The following CSMD1 variants were observed in gnomAD, a reference collection of about 807,000 sequenced individuals.
The protein encoded by CSMD1 is CUB and Sushi multiple domains 1, also known as CUB and sushi domain-containing protein 1.
CSMD1 carries 213 observed loss-of-function variants against 417.5 expected under a neutral mutation model. That is an observed-to-expected ratio of 0.51 (90% CI 0.46 to 0.57). The LOEUF (loss-of-function observed/expected upper bound fraction) is 0.57. Among genes scored for constraint, CSMD1 ranks in the 20% least tolerant of loss-of-function variants. The pLI is 0.00. For missense variants in CSMD1, 6,923 were observed against 4,529.7 expected, an observed-to-expected ratio of 1.53 and a Z score of -15.17; for synonymous variants, 2,862 against 1,736.8, an observed-to-expected ratio of 1.65 and a Z score of -16.11.
chr8:4,124,661 G>C (rs191801500), intron 3 of CSMD1, among the ~76,000 whole-genome samples: 230 of 152,324 alleles, frequency 1.5e-3, no homozygotes, highest in Non-Finnish European at 2.4e-3. Flanking sequence ...GAGGGACTAA[G>C]TGGCTAATCT....
intron 2 of CSMD1, among the ~76,000 whole-genome samples, chr8:4,434,280 T>C (rs1271186745): frequency 4.6e-5 from 7 of 152,132 alleles, no homozygotes. Flanking sequence ...GCAAGAGAAT[T>C]GCTTGAACCT....
At chr8:4,069,279 T>G (rs986737449) in intron 3 of CSMD1, among the ~76,000 whole-genome samples, 3 of 152,318 alleles carry the variant, frequency 2.0e-5, no homozygotes, top group African/African-American at 2.4e-5. Flanking sequence ...CTTTGTCTAG[T>G]AGGAGGTCAT....
intron 2 of CSMD1, among the ~76,000 whole-genome samples, chr8:4,424,959 TATTAAG>T (rs1158749495): frequency 2.6e-5 from 4 of 152,168 alleles, no homozygotes; most frequent in African/African-American, 9.6e-5. Flanking sequence ...CTCAAGAACA[TATTAAG>T]ATTAAAATAA....
At chr8:3,443,789 G>T (rs936004774) in intron 12 of CSMD1, among the ~76,000 whole-genome samples, 32 of 152,214 alleles carry the variant, frequency 2.1e-4, no homozygotes, top group Non-Finnish European at 3.5e-4. Flanking sequence ...TGGGAGACAT[G>T]AAGTGTAAAC....
chr8:3,730,893 CG>C (rs1019115348), intron 6 of CSMD1, among the ~76,000 whole-genome samples: 9 of 152,174 alleles, frequency 5.9e-5, no homozygotes, highest in African/African-American at 2.2e-4. Flanking sequence ...CACTATAATA[CG>C]TAGACCAATT....
intron 3 of CSMD1, among the ~76,000 whole-genome samples, chr8:4,054,607 G>C (rs976522541): frequency 6.6e-6 from 1 of 152,032 alleles, no homozygotes; most frequent in South Asian, 2.1e-4. Flanking sequence ...GGTGTATTTA[G>C]CTTATTTCCC....
At chr8:2,989,999 C>G (rs1806237381) in intron 54 of CSMD1, among the ~76,000 whole-genome samples, 1 of 152,146 alleles carries the variant, frequency 6.6e-6, no homozygotes, top group Non-Finnish European at 1.5e-5. Context: ...GCCTAGAAGG[C>G]TCTAGGGGGA....
Position 4,126,505 on chromosome 8 carries a change from C to T in CSMD1, c.416-94406G>A, listed in dbSNP as rs1000285494. 5.9e-5 allele frequency among the ~76,000 whole-genome samples: 9 copies of T among 152,314 alleles called. No homozygotes were observed. The South Asian group carries it at 1.9e-3, about 32-fold the overall frequency. On this transcript the variant is annotated intron_variant, in intron 3 of 69. Coordinates refer to ENST00000635120, the MANE Select transcript of CSMD1 (RefSeq NM_033225.6). ...CCCACCTCCATGGGCACACTGGAAGCAGGAGGTCTCCCACTGATGGTCAGT... is the reference window on the plus strand; with the variant it reads ...CCCACCTCCATGGGCACACTGGAAGTAGGAGGTCTCCCACTGATGGTCAGT...
intron 3 of CSMD1, among the ~76,000 whole-genome samples, chr8:4,066,947 T>C (rs1301433589): frequency 6.6e-6 from 1 of 152,222 alleles, no homozygotes; most frequent in African/African-American, 2.4e-5. Context: ...ATTGTGTAAA[T>C]ACCCTCAGGG....
In CSMD1 at chr8:4,358,260, T is replaced by C. The variant is rs560961391; in HGVS notation, c.415+61693A>G. Among the ~76,000 whole-genome samples, 3 of 152,360 alleles carry C rather than the reference T, an allele frequency of 2.0e-5. No homozygotes were observed. The East Asian group carries it at 5.8e-4, about 29-fold the overall frequency. Reference sequence around the variant, plus strand: ...ACTGTGGGGCTTGTTGAACTTTTGCTTTACCAGTGGGTGTGGAGCGCGGCC... The same window carrying C: ...ACTGTGGGGCTTGTTGAACTTTTGCCTTACCAGTGGGTGTGGAGCGCGGCC... On this transcript the variant is annotated intron_variant, in intron 3 of 69. Transcript: ENST00000635120.
chr8:3,973,199 G>A (rs1295840391), intron 5 of CSMD1, among the ~76,000 whole-genome samples: 1 of 152,208 alleles, frequency 6.6e-6, no homozygotes. Flanking sequence ...AAATGGTGGT[G>A]CTGCATGCAG....
intron 3 of CSMD1, among the ~76,000 whole-genome samples, chr8:4,057,754 C>T (rs1798771264): frequency 6.6e-6 from 1 of 152,046 alleles, no homozygotes; most frequent in Non-Finnish European, 1.5e-5. Flanking sequence ...CTACATATGG[C>T]TAGCCAGTTT....
At chr8:4,963,062 G>A (rs964683615) in intron 1 of CSMD1, among the ~76,000 whole-genome samples, 3 of 152,124 alleles carry the variant, frequency 2.0e-5, no homozygotes, top group African/African-American at 7.2e-5. Flanking sequence ...ACTGCACCCA[G>A]GAGCTCAGGT....
At chr8:3,981,243 G>A (rs528613020) in intron 5 of CSMD1, among the ~76,000 whole-genome samples, 31 of 152,210 alleles carry the variant, frequency 2.0e-4, no homozygotes, top group African/African-American at 7.0e-4. Flanking sequence ...TAACTCAGGC[G>A]TTGAAAACCA....
intron 3 of CSMD1, among the ~76,000 whole-genome samples, chr8:4,295,165 C>T (rs117449645): frequency 0.072 from 10,236 of 141,406 alleles, 521 homozygotes; most frequent in Non-Finnish European, 0.11. Flanking sequence ...CACATATAAT[C>T]TTAAGATTAT....
intron 12 of CSMD1, among the ~76,000 whole-genome samples, chr8:3,410,248 T>G (rs1812598840): frequency 1.3e-5 from 2 of 152,226 alleles, no homozygotes; most frequent in Non-Finnish European, 2.9e-5. Context: ...TTAAAATATT[T>G]TATTTATTTA....
chr8:4,732,754 C>A (rs1469685492), intron 1 of CSMD1, among the ~76,000 whole-genome samples: 2 of 152,190 alleles, frequency 1.3e-5, no homozygotes, highest in Admixed American at 6.5e-5. Context: ...AAAGACTAAG[C>A]AGGCATTTTA....
At chr8:4,271,525 C>T (rs930578834) in intron 3 of CSMD1, among the ~76,000 whole-genome samples, 1 of 151,188 alleles carries the variant, frequency 6.6e-6, no homozygotes, top group Non-Finnish European at 1.5e-5. Context: ...CTAAAATGAA[C>T]ACCACCAACA....
chr8:4,319,157 G>A (rs1293698262), intron 3 of CSMD1, among the ~76,000 whole-genome samples: 2 of 152,100 alleles, frequency 1.3e-5, no homozygotes, highest in African/African-American at 2.4e-5. Flanking sequence ...GAAAATACCT[G>A]AAAATTTAAA....
Sources: gnomAD v4.1 joint callset for allele counts (sites outside exome capture counted in the v4.1 genomes callset) on GRCh38, gnomAD v4.1.1 for gene constraint, MANE v1.5 for transcripts, NCBI Gene and HGNC (gene_info 2026-07-23, HGNC 2026-07-21) for gene names.